CALN1: variants seen among roughly 807,000 people sequenced by gnomAD.
The protein encoded by CALN1 is calcium-binding protein 8.
Under a neutral mutation model 30.6 loss-of-function variants are expected in CALN1, and 17 were observed. The ratio of observed to expected loss-of-function variants is 0.56; its 90% CI spans 0.38 to 0.83. The LOEUF is 0.83. CALN1 is among the 40% of genes least tolerant of loss of function. The probability of loss-of-function intolerance (pLI) is 0.00; values close to 1 mark genes in which losing one functional copy is unlikely to be tolerated. For missense variants in CALN1, 291 were observed against 354.9 expected (o/e 0.82, Z 1.45); for synonymous variants, 156 against 131.4 (o/e 1.19, Z -1.28).
chr7:72,263,978 ATAT>A (rs1796447096), intron 3 of CALN1, among the ~76,000 whole-genome samples: 1 of 152,130 alleles, frequency 6.6e-6, no homozygotes, highest in Admixed American at 6.5e-5. Flanking sequence ...CTTTGCATAA[ATAT>A]TAAGTGAAAT....
chr7:72,368,172 T>C (rs777471496), intron 2 of CALN1, among the ~76,000 whole-genome samples: 1 of 151,454 alleles, frequency 6.6e-6, no homozygotes, highest in Non-Finnish European at 1.5e-5. Flanking sequence ...TATATATGTG[T>C]ATATATGTGT....
At chr7:72,487,063 T>C in the CALN1 span, among the ~76,000 whole-genome samples, 1 of 152,160 alleles carries the variant, frequency 6.6e-6, no homozygotes, top group Non-Finnish European at 1.5e-5. Flanking sequence ...CTCTTCTTTC[T>C]TTCTGGAGAT....
In CALN1 at chr7:72,012,535, A is replaced by G. The variant is rs376700240; in HGVS notation, c.501+11122T>C. ...CAAAAAACAAAACAAAACAAAAATT[A>G]CATTTAATCAATTTATTTTTTGTGA... On this transcript the variant is annotated intron_variant, in intron 5 of 6. Transcript: ENST00000395275. Among the ~76,000 whole-genome samples the G allele has an allele frequency of 7.2e-5, 11 of 152,318 alleles. No homozygotes were observed. In the East Asian group the frequency reaches 1.9e-3, roughly 27 times the overall value.
At chr7:72,267,785 T>C (rs950994664) in intron 3 of CALN1, among the ~76,000 whole-genome samples, 2 of 152,200 alleles carry the variant, frequency 1.3e-5, no homozygotes, top group Non-Finnish European at 2.9e-5. Flanking sequence ...GGAAGGAGGA[T>C]TGCTTGAGGC....
intron 5 of CALN1, among the ~76,000 whole-genome samples, chr7:71,922,280 A>G (rs1029694261): frequency 1.3e-5 from 2 of 152,114 alleles, no homozygotes; most frequent in African/African-American, 4.8e-5. Context: ...ATAACTTGGC[A>G]TGGCAATGTG....
Position 71,837,243 on chromosome 7 carries a change from C to CAAAAAAAAAA in CALN1, c.502-26761_502-26752dup, listed in dbSNP as rs55977265. 7.0e-4 allele frequency among the ~76,000 whole-genome samples: 55 copies of CAAAAAAAAAA among 79,118 alleles called. 1 individual carries two copies. The highest frequency in any genetic ancestry group is 2.2e-3 in the South Asian group (3 of 1,342). The allele number at this position is 79,118 out of a possible 152,430, so 51.9% of individuals were successfully genotyped here. On this transcript the variant is annotated intron_variant, in intron 5 of 6. Coordinates refer to ENST00000395275, the MANE Select transcript of CALN1 (RefSeq NM_031468.4). Reference sequence around the variant, plus strand: ...CGAAACTCCATCTCAAAAAAAAAGACAAAAAAAAAAAAAAAAAAAAAAGCC... The same window carrying CAAAAAAAAAA: ...CGAAACTCCATCTCAAAAAAAAAGACAAAAAAAAAAAAAAAAAAAAAAAAAAAAAAAAGCC...
intron 3 of CALN1, among the ~76,000 whole-genome samples, chr7:72,133,586 TGACGATTATGGATA>T (rs1809309717): frequency 1.3e-5 from 2 of 152,222 alleles, no homozygotes; most frequent in Non-Finnish European, 2.9e-5. Flanking sequence ...GGTAAAAGTT[TGACGATTATGGATA>T]TTCATATAGT....
upstream of CALN1, among the ~76,000 whole-genome samples, chr7:72,450,448 C>G (rs1259995123): frequency 6.6e-6 from 1 of 152,188 alleles, no homozygotes; most frequent in East Asian, 1.9e-4. Flanking sequence ...AAAGTGGACT[C>G]AGGTCAACAG....
At position 71,787,676 on chromosome 7, in the gene CALN1, T is replaced by C. The variant is rs563992207; in HGVS notation, c.*99A>G. On this transcript the variant is annotated 3_prime_UTR_variant, in exon 7 of 7. Coordinates refer to ENST00000395275, the MANE Select transcript of CALN1 (RefSeq NM_031468.4). ...CGGTTCCATCGTCCGCATCCATCCA[T>C]AGTCCATAGGTCCGTGTCTGCTGTG... 7.3e-6 allele frequency: 11 copies of C among 1,512,340 alleles called. No individual in the cohort carries two copies. In the South Asian group the frequency reaches 1.4e-4, roughly 19 times the overall value. 93.7% of individuals were successfully genotyped at this position (1,512,340 alleles called of 1,614,324 possible). A position where few individuals can be genotyped will look rare whatever the true frequency, so the allele number is the denominator to read the frequency against.
chr7:72,404,585 C>T (rs576580057), intron 1 of CALN1, among the ~76,000 whole-genome samples: 1 of 152,256 alleles, frequency 6.6e-6, no homozygotes, highest in African/African-American at 2.4e-5. Flanking sequence ...AATGGCTTCT[C>T]GCAGAAACAC....
At chr7:71,821,700 T>A (rs567841770) in intron 5 of CALN1, among the ~76,000 whole-genome samples, 1 of 152,308 alleles carries the variant, frequency 6.6e-6, no homozygotes, top group South Asian at 2.1e-4. Flanking sequence ...TTCAGTGCTT[T>A]GTTAATGTCT....
intron 5 of CALN1, among the ~76,000 whole-genome samples, chr7:71,967,663 A>G (rs1427906583): frequency 6.6e-6 from 1 of 151,388 alleles, no homozygotes; most frequent in Non-Finnish European, 1.5e-5. Flanking sequence ...AAAAGAAAAG[A>G]AAAAAGTCTG....
At chr7:72,411,757 T>C (rs1015791234) in intron 1 of CALN1, among the ~76,000 whole-genome samples, 9 of 152,182 alleles carry the variant, frequency 5.9e-5, no homozygotes, top group Non-Finnish European at 1.0e-4. Flanking sequence ...TCCTGAAAAT[T>C]GACATGAATG....
the CALN1 span, among the ~76,000 whole-genome samples, chr7:72,486,675 A>G: frequency 6.6e-6 from 1 of 152,106 alleles, no homozygotes; most frequent in Non-Finnish European, 1.5e-5. Flanking sequence ...GCCCAGCCAC[A>G]ATACAATAAG....
intron 6 of CALN1, among the ~76,000 whole-genome samples, chr7:71,806,202 T>C (rs1378867477): frequency 6.9e-6 from 1 of 144,260 alleles, no homozygotes; most frequent in Non-Finnish European, 1.5e-5. Flanking sequence ...CCCCAAAACT[T>C]AAAAAGTAAA....
At chr7:72,084,837 C>T (rs147793081) in intron 4 of CALN1, among the ~76,000 whole-genome samples, 2 of 152,220 alleles carry the variant, frequency 1.3e-5, no homozygotes, top group East Asian at 1.9e-4. Flanking sequence ...TGGTCAACTG[C>T]GGTTGGAAAA....
At chr7:71,840,212 C>T (rs1443903202) in intron 5 of CALN1, among the ~76,000 whole-genome samples, 1 of 144,292 alleles carries the variant, frequency 6.9e-6, no homozygotes, top group Non-Finnish European at 1.6e-5. Flanking sequence ...CCTGTAATCC[C>T]AACACTTTGG....
chr7:71,818,647 G>C (rs1788401880), intron 5 of CALN1, among the ~76,000 whole-genome samples: 1 of 151,534 alleles, frequency 6.6e-6, no homozygotes, highest in African/African-American at 2.4e-5. Flanking sequence ...TGAGATTACA[G>C]GCACTTGCCA....
intron 5 of CALN1, among the ~76,000 whole-genome samples, chr7:71,882,725 C>T (rs1792650193): frequency 6.6e-6 from 1 of 152,038 alleles, no homozygotes; most frequent in African/African-American, 2.4e-5. Context: ...GCTATGTTGC[C>T]CAGGCTGGAG....
Sources: allele counts gnomAD v4.1 joint callset (sites outside exome capture counted in the v4.1 genomes callset), GRCh38; gene constraint gnomAD v4.1.1; transcripts MANE v1.5; gene names NCBI Gene and HGNC (gene_info 2026-07-23, HGNC 2026-07-21).